Variants in VWF observed in about 807,000 individuals in gnomAD.
The protein encoded by VWF is Factor VIII related antigen.
In VWF, 176 loss-of-function variants were observed where a neutral mutation model predicts 308.6. The ratio of observed to expected loss-of-function variants is 0.57; its 90% CI spans 0.50 to 0.65. VWF has a LOEUF of 0.65. Among genes scored for constraint, VWF ranks in the 30% least tolerant of loss-of-function variants. The pLI is 0.00. For synonymous variants in VWF, 1,385 were observed against 1,443.4 expected, an observed-to-expected ratio of 0.96 and a Z score of 0.92; for missense variants, 3,146 against 3,648.2, an observed-to-expected ratio of 0.86 and a Z score of 3.55.
intron 17 of VWF, 151 bp from the exon 18 acceptor site, chr12:6,044,602 C>A: frequency 1.0e-6 from 1 of 980,176 alleles, no homozygotes; most frequent in Admixed American, 2.1e-5. Flanking sequence ...GAGCCAGGGT[C>A]CCTGTGTGGG....
chr12:6,094,719 T>C (rs766818296), intron 6 of VWF, among the ~76,000 whole-genome samples: 1 of 151,354 alleles, frequency 6.6e-6, no homozygotes, highest in Non-Finnish European at 1.5e-5. Context: ...CTTTTTTTCT[T>C]TTTTTTTAAT....
rs2136460858 is a variant in VWF at position 6,063,102 on chromosome 12, G to T, written c.1433-48C>A. On this transcript the variant is annotated intron_variant, in intron 12 of 51. Transcript: ENST00000261405. The surrounding 1 kb of genome is among the most constrained non-coding windows in gnomAD (Gnocchi z 4.9). Reference sequence around the variant, plus strand: ...TCAGGCAGAGGTGGGGAGAGGACAGGGTGGTGGCAGGCAGATGTATTTGGG... The same window carrying T: ...TCAGGCAGAGGTGGGGAGAGGACAGTGTGGTGGCAGGCAGATGTATTTGGG... The T allele has an allele frequency of 6.7e-7, 1 of 1,495,780 alleles. No homozygotes were observed. Among genetic ancestry groups the T allele is most frequent in the Non-Finnish European group, 9.3e-7 (1 of 1,079,020 alleles). The allele number at this position is 1,495,780 out of a possible 1,614,324, so 92.7% of individuals were successfully genotyped here.
rs372381104 is a variant in VWF at position 6,071,254 on chromosome 12, C to T, written c.1156+43G>A. Reference sequence around the variant, plus strand: ...GGTAAGAGAGGAGGAGACGCCTCCCCGATTCAGGGAAGGAGGAAGAGAATG... The same window carrying T: ...GGTAAGAGAGGAGGAGACGCCTCCCTGATTCAGGGAAGGAGGAAGAGAATG... On this transcript the variant is annotated intron_variant, in intron 10 of 51. Transcript: ENST00000261405. The T allele has an allele frequency of 4.3e-6, 7 of 1,611,464 alleles. No individual in the cohort carries two copies. The East Asian group carries it at 8.9e-5, about 21-fold the overall frequency.
intron 13 of VWF, among the ~76,000 whole-genome samples, chr12:6,061,302 G>A (rs995643801): frequency 2.4e-4 from 36 of 152,036 alleles, no homozygotes; most frequent in Admixed American, 2.4e-3. Context: ...CAGGAGACCC[G>A]AGTTCTGGTC....
Position 6,080,865 on chromosome 12 carries a change from A to T in VWF, c.658-5314T>A, listed in dbSNP as rs1222182892. ...AAGTTCTCATAGACCCCTTTCTCTC[A>T]CTCCCCCTAGGTTATGCCCTCCATG... is the stretch of plus-strand genomic sequence containing the variant. On this transcript the variant is annotated intron_variant, in intron 6 of 51. Coordinates refer to ENST00000261405, the MANE Select transcript of VWF (RefSeq NM_000552.5). 3.3e-5 allele frequency among the ~76,000 whole-genome samples: 5 copies of T among 151,300 alleles called. No individual in the cohort carries two copies. The South Asian group carries it at 8.4e-4, about 25-fold the overall frequency.
chr12:6,067,547 A>G (rs1944730160), intron 10 of VWF, among the ~76,000 whole-genome samples: 1 of 152,192 alleles, frequency 6.6e-6, no homozygotes, highest in South Asian at 2.1e-4. Flanking sequence ...TAAATATTAT[A>G]TGAGCTTATC....
At chr12:5,988,828 T>C (rs970884012) in intron 38 of VWF, among the ~76,000 whole-genome samples, 3 of 152,114 alleles carry the variant, frequency 2.0e-5, no homozygotes, top group Non-Finnish European at 4.4e-5. Context: ...GGCCCAGGCG[T>C]GACTATCACC....
chr12:5,981,023 T>G (rs1302850072), intron 42 of VWF, among the ~76,000 whole-genome samples: 2 of 152,246 alleles, frequency 1.3e-5, no homozygotes, highest in Admixed American at 6.5e-5. Context: ...CGTTGACACT[T>G]TATTATATTC....
At chr12:6,032,319 T>C (rs1591872374) in intron 20 of VWF, among the ~76,000 whole-genome samples, 1 of 133,892 alleles carries the variant, frequency 7.5e-6, no homozygotes, top group African/African-American at 2.8e-5. Flanking sequence ...AGAGCGAGAC[T>C]CCATCTCAAA....
At chr12:6,053,363 A>G (rs1343234755) in intron 15 of VWF, among the ~76,000 whole-genome samples, 2 of 152,104 alleles carry the variant, frequency 1.3e-5, no homozygotes, top group Non-Finnish European at 2.9e-5. Context: ...GGTATACCTC[A>G]CAGGAAGAAG....
At chr12:6,026,991 C>A (rs1387727846) in intron 22 of VWF, among the ~76,000 whole-genome samples, 1 of 150,910 alleles carries the variant, frequency 6.6e-6, no homozygotes, top group Non-Finnish European at 1.5e-5. Flanking sequence ...TTACAATATA[C>A]TTAGAGCCCT....
At chr12:6,022,635 T>A (rs996347948) in intron 26 of VWF, 105 bp downstream of exon 26, 1 of 294,658 alleles carries the variant, frequency 3.4e-6, no homozygotes, top group African/African-American at 2.8e-5. Flanking sequence ...AGGTCAGAGA[T>A]AGGACGTGGC....
chr12:6,077,425 G>A (rs1032992190), intron 6 of VWF, among the ~76,000 whole-genome samples: 1 of 152,208 alleles, frequency 6.6e-6, no homozygotes, highest in African/African-American at 2.4e-5. Context: ...CAGCTGCTCT[G>A]CGTCTCGGGG....
chr12:6,075,327 C>G lies in VWF; in HGVS notation c.874+8G>C. 1 of 1,613,848 alleles carries G rather than the reference C, an allele frequency of 6.2e-7. No individual in the cohort carries two copies. Among genetic ancestry groups the G allele is most frequent in the Non-Finnish European group, 8.5e-7 (1 of 1,179,980 alleles). ...GGCAGGGCAGGACGGGGCAGGGGGC[C>G]GACTTACTGCACGCGCTGTGGTCGG... On this transcript the variant is annotated splice_region_variant and intron_variant, in intron 7 of 51. Coordinates refer to ENST00000261405, the MANE Select transcript of VWF (RefSeq NM_000552.5). The surrounding 1 kb of genome is among the most constrained non-coding windows in gnomAD (Gnocchi z 4.7).
At position 6,075,540 on chromosome 12, in the gene VWF, C is replaced by A; in HGVS notation, c.669G>T (p.Glu223Asp). Reference sequence around the variant, plus strand: ...AGGTGCTCTTCAGAAGCTGGCACTGCTCCCACAGGCCCTGCAGGAAGAGGG... The same window carrying A: ...AGGTGCTCTTCAGAAGCTGGCACTGATCCCACAGGCCCTGCAGGAAGAGGG... ...SSGEMQKGLW[E>D]QCQLLKSTSV... is the part of the protein sequence containing the mutation. The change falls in exon 7 of 52, where the codon GAG becomes GAT. Residue 223 changes from glutamate to aspartate, a missense_variant. By Grantham distance (45) the Glu-to-Asp change is conservative. This residue lies in a region of VWF where 1,304 missense variants were observed against 1,353.0 expected (regional missense o/e 0.96). Transcript: ENST00000261405. This position sits in a 1 kb window ranked among gnomAD's most constrained non-coding sequence, Gnocchi z 4.7. The A allele has an allele frequency of 1.2e-6, 2 of 1,613,846 alleles. No individual in the cohort carries two copies. The highest frequency in any genetic ancestry group is 8.5e-7 in the Non-Finnish European group (1 of 1,179,834).
intron 44 of VWF, among the ~76,000 whole-genome samples, chr12:5,970,625 A>C (rs1364852571): frequency 6.6e-6 from 1 of 152,180 alleles, no homozygotes; most frequent in Non-Finnish European, 1.5e-5. Flanking sequence ...CTCGGACTAG[A>C]GGGGGAGGTG....
At chr12:5,951,703 C>A in intron 50 of VWF, 141 bp downstream of exon 50, 1 of 966,544 alleles carries the variant, frequency 1.0e-6, no homozygotes, top group South Asian at 1.4e-5. Flanking sequence ...GACCAGTGGT[C>A]ACGAAATATC....
Position 5,985,117 on chromosome 12 carries a change from G to A in VWF, c.6904C>T (p.Pro2302Ser). 2 of 1,614,222 alleles carry A rather than the reference G, an allele frequency of 1.2e-6. No homozygotes were observed. The highest frequency in any genetic ancestry group is 1.1e-5 in the South Asian group (1 of 91,084). Residue 2302 changes from proline to serine, a missense_variant and splice_region_variant, in exon 40 of 52, where the codon CCC (proline) becomes TCC (serine). Coordinates refer to ENST00000261405, the MANE Select transcript of VWF (RefSeq NM_000552.5). ...GCTACTTCACACAGGCCACACGTGG[G>A]AGCTAGAGGAGAGGAACGGCCACAA... ...TTQPCPTAKA[P>S]TCGLCEVARL... is the part of the protein sequence containing the mutation.
At chr12:6,064,156 T>C in intron 12 of VWF, 90 bp downstream of exon 12, 1 of 1,598,362 alleles carries the variant, frequency 6.3e-7, no homozygotes, top group South Asian at 1.1e-5. Flanking sequence ...GGCATGCAGG[T>C]CCTTAAGGAC....
Sources: gnomAD v4.1 joint callset for allele counts (sites outside exome capture counted in the v4.1 genomes callset) on GRCh38, gnomAD v4.1.1 for gene constraint, gnomAD v4.1.1 regional missense constraint, Gnocchi (gnomAD v3.1) non-coding constraint, MANE v1.5 for transcripts, NCBI Gene and HGNC (gene_info 2026-07-23, HGNC 2026-07-21) for gene names.